Variants in GALNTL6 observed in about 807,000 individuals in gnomAD.
GALNTL6 encodes the protein polypeptide N-acetylgalactosaminyltransferase like 6.
GALNTL6 carries 46 observed loss-of-function variants against 73.7 expected under a neutral mutation model. The observed-to-expected ratio is 0.62, with a 90% CI of 0.49 to 0.80. GALNTL6 has a LOEUF of 0.80. GALNTL6 is among the 30% of genes least tolerant of loss of function. The pLI, the probability that GALNTL6 is intolerant of heterozygous loss-of-function variation, is 0.00. For synonymous variants in GALNTL6, 259 were observed against 263.7 expected, an observed-to-expected ratio of 0.98 and a Z score of 0.17; for missense variants, 604 against 755.0, an observed-to-expected ratio of 0.80 and a Z score of 2.34.
intron 8 of GALNTL6, among the ~76,000 whole-genome samples, chr4:172,914,701 A>G (rs966181774): frequency 2.6e-5 from 4 of 152,236 alleles, no homozygotes; most frequent in Non-Finnish European, 4.4e-5. Flanking sequence ...AGAGCTAACT[A>G]TCCTAAATGT....
At chr4:172,330,432 G>C (rs1038374167) in intron 4 of GALNTL6, among the ~76,000 whole-genome samples, 2 of 152,184 alleles carry the variant, frequency 1.3e-5, no homozygotes, top group Non-Finnish European at 2.9e-5. Context: ...TCCTGAGTGG[G>C]CATTCATCTT....
intron 2 of GALNTL6, among the ~76,000 whole-genome samples, chr4:171,886,081 G>A (rs898424085): frequency 1.3e-5 from 2 of 151,732 alleles, no homozygotes; most frequent in African/African-American, 4.8e-5. Flanking sequence ...AGTTGCTAAA[G>A]GATAAAATAT....
At chr4:172,267,099 A>G (rs1278247404) in intron 3 of GALNTL6, among the ~76,000 whole-genome samples, 1 of 152,158 alleles carries the variant, frequency 6.6e-6, no homozygotes, top group African/African-American at 2.4e-5. Context: ...TTCAGGTAAT[A>G]AGCCTTTTTA....
intron 5 of GALNTL6, among the ~76,000 whole-genome samples, chr4:172,352,889 T>G (rs1741989205): frequency 6.6e-6 from 1 of 151,960 alleles, no homozygotes; most frequent in African/African-American, 2.4e-5. Context: ...CTCCATGTAC[T>G]ATTTAGAAGG....
chr4:172,430,534 C>T (rs563653767), intron 5 of GALNTL6, among the ~76,000 whole-genome samples: 12 of 152,184 alleles, frequency 7.9e-5, no homozygotes, highest in African/African-American at 2.9e-4. Flanking sequence ...AGTTATAATA[C>T]ATGAATGTCA....
At chr4:171,844,731 A>C (rs1227829783) in intron 2 of GALNTL6, among the ~76,000 whole-genome samples, 1 of 152,164 alleles carries the variant, frequency 6.6e-6, no homozygotes, top group Non-Finnish European at 1.5e-5. Context: ...CCCAAGAACA[A>C]ATATAACATT....
chr4:172,447,157 A>G (rs1732051595), intron 5 of GALNTL6, among the ~76,000 whole-genome samples: 2 of 152,148 alleles, frequency 1.3e-5, no homozygotes, highest in Admixed American at 1.3e-4. Flanking sequence ...ATGACAAGTC[A>G]AATAAGCGGT....
At chr4:172,378,317 G>A (rs981322066) in intron 5 of GALNTL6, among the ~76,000 whole-genome samples, 1 of 152,144 alleles carries the variant, frequency 6.6e-6, no homozygotes, top group Admixed American at 6.5e-5. Context: ...AAGGAAAAAG[G>A]ACCTTGCTTC....
intron 5 of GALNTL6, among the ~76,000 whole-genome samples, chr4:172,681,273 TA>T (rs1403405725): frequency 1.3e-5 from 2 of 152,214 alleles, no homozygotes; most frequent in African/African-American, 4.8e-5. Flanking sequence ...TTCTTACTCT[TA>T]TTCTTTTCCT....
chr4:172,034,548 G>A (rs1171646865), intron 2 of GALNTL6, among the ~76,000 whole-genome samples: 10 of 151,972 alleles, frequency 6.6e-5, no homozygotes, highest in African/African-American at 2.4e-4. Context: ...TGGCAAGTCA[G>A]ACTCAGTGGT....
rs7676705 is a variant in GALNTL6 at position 172,183,600 on chromosome 4, T to G, written c.139-46056T>G. 9.3e-3 allele frequency among the ~76,000 whole-genome samples: 1,410 copies of G among 152,300 alleles called. 23 individuals are homozygous for G. Among genetic ancestry groups the G allele is most frequent in the African/African-American group, 0.032 (1,336 of 41,556 alleles). On this transcript the variant is annotated intron_variant, in intron 2 of 12. Coordinates refer to ENST00000506823, the MANE Select transcript of GALNTL6 (RefSeq NM_001034845.3). ...AGTGTCAACTTCATTTTGGCTTCTCTTATTGCCATAAGATGACTTCAAATA... is the reference window on the plus strand; with the variant it reads ...AGTGTCAACTTCATTTTGGCTTCTCGTATTGCCATAAGATGACTTCAAATA...
chr4:172,277,227 G>A (rs1235317395), intron 3 of GALNTL6, among the ~76,000 whole-genome samples: 1 of 151,802 alleles, frequency 6.6e-6, no homozygotes, highest in Non-Finnish European at 1.5e-5. Context: ...AGAAGAACGT[G>A]GATTCATAGT....
At chr4:171,939,733 ATATT>A (rs1324718823) in intron 2 of GALNTL6, among the ~76,000 whole-genome samples, 1 of 152,088 alleles carries the variant, frequency 6.6e-6, no homozygotes, top group Non-Finnish European at 1.5e-5. Context: ...AAAAATATAA[ATATT>A]TAATAGAAAA....
Position 172,164,401 on chromosome 4 carries a change from A to G in GALNTL6, c.139-65255A>G, listed in dbSNP as rs559675974. Among the ~76,000 whole-genome samples the G allele has an allele frequency of 3.7e-4, 56 of 152,160 alleles. 2 individuals carry two copies. The South Asian group carries it at 0.011, about 30-fold the overall frequency. On this transcript the variant is annotated intron_variant, in intron 2 of 12. Transcript: ENST00000506823. ...TAAATAGAAATAACTGTAAATTTTC[A>G]TTAGGATGTATTTTATGGATTTTTT...
intron 5 of GALNTL6, among the ~76,000 whole-genome samples, chr4:172,470,888 T>C (rs1351187543): frequency 6.6e-6 from 1 of 152,148 alleles, no homozygotes; most frequent in Non-Finnish European, 1.5e-5. Context: ...ATGTTGGAGC[T>C]AAGAAGGTCC....
intron 2 of GALNTL6, among the ~76,000 whole-genome samples, chr4:171,926,007 A>G (rs771744647): frequency 1.1e-5 from 1 of 89,946 alleles, no homozygotes; most frequent in East Asian, 3.3e-4. Flanking sequence ...TTACAAAAAT[A>G]TTATTACTGA....
chr4:172,368,053 C>T (rs961313568), intron 5 of GALNTL6, among the ~76,000 whole-genome samples: 1 of 151,988 alleles, frequency 6.6e-6, no homozygotes, highest in Admixed American at 6.6e-5. Flanking sequence ...TTAAAAAATA[C>T]CAGGGAAATA....
Position 172,709,911 on chromosome 4 carries a change from C to A in GALNTL6, c.554-99450C>A, listed in dbSNP as rs538610377. Among the ~76,000 whole-genome samples the A allele has an allele frequency of 3.3e-5, 5 of 151,066 alleles. No individual in the cohort carries two copies. The South Asian group carries it at 6.3e-4, about 19-fold the overall frequency. On this transcript the variant is annotated intron_variant, in intron 5 of 12. Coordinates refer to ENST00000506823, the MANE Select transcript of GALNTL6 (RefSeq NM_001034845.3). The stretch of plus-strand genomic sequence containing the variant: ...TGACTAGAAAAACAAATGATTGTAC[C>A]GCATTGACAAGCAAAGCACTAACAT...
intron 5 of GALNTL6, among the ~76,000 whole-genome samples, chr4:172,499,033 G>C (rs571855634): frequency 7.0e-4 from 107 of 152,246 alleles, no homozygotes; most frequent in African/African-American, 2.5e-3. Flanking sequence ...AGTCAGTATT[G>C]CACTCCTTCT....
Sources: allele counts gnomAD v4.1 joint callset (sites outside exome capture counted in the v4.1 genomes callset), GRCh38; gene constraint gnomAD v4.1.1; transcripts MANE v1.5; gene names NCBI Gene and HGNC (gene_info 2026-07-23, HGNC 2026-07-21).